The following CD6 variants were observed in gnomAD, a reference collection of about 807,000 sequenced individuals.
CD6 encodes the protein T-cell differentiation antigen CD6.
In CD6, 53 loss-of-function variants were observed where a neutral mutation model predicts 75.3. The ratio of observed to expected loss-of-function variants is 0.70; its 90% CI spans 0.56 to 0.88. The LOEUF is 0.88. Ranked by LOEUF, CD6 falls within the 40% of genes least tolerant of loss-of-function variation. The pLI, the probability that CD6 is intolerant of heterozygous loss-of-function variation, is 0.00. For missense variants in CD6, 770 were observed against 897.1 expected, an observed-to-expected ratio of 0.86 and a Z score of 1.81; for synonymous variants, 359 against 381.5, an observed-to-expected ratio of 0.94 and a Z score of 0.69.
chr11:61,008,363 T>C, intron 3 of CD6, 171 bp from the exon 4 acceptor site: 1 of 639,124 alleles, frequency 1.6e-6, no homozygotes, highest in African/African-American at 1.8e-5. Flanking sequence ...AGCCTGCGGC[T>C]CTACCTAACC....
At chr11:60,995,654 G>C (rs1166157123) in intron 1 of CD6, among the ~76,000 whole-genome samples, 1 of 152,116 alleles carries the variant, frequency 6.6e-6, no homozygotes. Flanking sequence ...GACAGTGCTG[G>C]AGTGAGCCCC....
chr11:61,009,870 C>A lies in CD6; in HGVS notation c.1080C>A (p.Cys360Ter). ...CSQSLAARVL[C>*]SASRSLHNLS... ...AGTCGCTGGCAGCCAGGGTCCTCTGCTCAGGTACCCCATCCTACTCCACCC... is the reference window on the plus strand; with the variant it reads ...AGTCGCTGGCAGCCAGGGTCCTCTGATCAGGTACCCCATCCTACTCCACCC... The change falls in exon 5 of 13, where the codon TGC (cysteine) becomes TGA (stop). Residue 360 changes from cysteine to a stop codon, truncating the protein, a stop_gained. Transcript: ENST00000313421. LOFTEE classifies it high-confidence loss of function. 6.5e-7 allele frequency: 1 copy of A among 1,549,146 alleles called. No individual in the cohort carries two copies. The highest frequency in any genetic ancestry group is 1.9e-5 in the Admixed American group (1 of 52,264).
intron 1 of CD6, 56 bp downstream of exon 1, chr11:60,971,970 C>T: frequency 9.0e-6 from 14 of 1,549,212 alleles, no homozygotes; most frequent in East Asian, 2.3e-5. Context: ...GGGTCCGGCC[C>T]TCTCAGTCCC....
Position 61,017,884 on chromosome 11 carries a change from GA to G in CD6, c.1709del (p.Glu570GlyfsTer211). On this transcript the variant is annotated frameshift_variant, in exon 11 of 13. Coordinates refer to ENST00000313421, the MANE Select transcript of CD6 (RefSeq NM_006725.5). LOFTEE classifies it high-confidence loss of function. ...SNSESSTSSG[E>X]DYCNSPKSKL... ...CAGTGAGTCGAGCACCTCTTCAGGGGAGGATTACTGCAATAGTCCCAAAAGC... is the reference window on the plus strand; with the variant it reads ...CAGTGAGTCGAGCACCTCTTCAGGGGGGATTACTGCAATAGTCCCAAAAGC... The G allele has an allele frequency of 6.2e-7, 1 of 1,614,094 alleles. No homozygotes were observed. The highest frequency in any genetic ancestry group is 8.5e-7 in the Non-Finnish European group (1 of 1,180,014).
chr11:60,994,639 T>C (rs1858218753), intron 1 of CD6, among the ~76,000 whole-genome samples: 1 of 151,968 alleles, frequency 6.6e-6, no homozygotes, highest in Non-Finnish European at 1.5e-5. Flanking sequence ...TGTAACATAA[T>C]ACCAAATAAT....
At chr11:61,018,480 C>CAAGGGGAAAGGAGAAAGG in intron 12 of CD6, 87 bp downstream of exon 12, 2 of 887,086 alleles carry the variant, frequency 2.3e-6, no homozygotes, top group Non-Finnish European at 3.5e-6. Context: ...TGCATTCGCT[C>CAAGGGGAAAGGAGAAAGG]AAGGGGAAAA....
At chr11:61,013,682 C>T in intron 7 of CD6, 119 bp downstream of exon 7, 2 of 1,162,548 alleles carry the variant, frequency 1.7e-6, no homozygotes, top group South Asian at 2.9e-5. Flanking sequence ...GGGAGATCCC[C>T]AAGGTGGAAA....
chr11:60,982,818 G>C, intron 1 of CD6: 1 of 366,632 alleles, frequency 2.7e-6, no homozygotes, highest in Non-Finnish European at 5.2e-6. Context: ...GCAGGGCTGA[G>C]AAGCCCAGTC....
At chr11:60,995,248 G>A (rs1051014191) in intron 1 of CD6, among the ~76,000 whole-genome samples, 3 of 151,450 alleles carry the variant, frequency 2.0e-5, no homozygotes, top group African/African-American at 2.4e-5. Flanking sequence ...GGATTCAAGC[G>A]ATTCTCCTAC....
chr11:60,986,219 A>T (rs1207329911), intron 1 of CD6, among the ~76,000 whole-genome samples: 4 of 152,246 alleles, frequency 2.6e-5, no homozygotes, highest in African/African-American at 9.6e-5. Context: ...CAAAGAGAGA[A>T]AAGAAGTCTC....
At chr11:60,984,418 C>T (rs1857709652) in intron 1 of CD6, among the ~76,000 whole-genome samples, 1 of 152,186 alleles carries the variant, frequency 6.6e-6, no homozygotes, top group Non-Finnish European at 1.5e-5. Flanking sequence ...CCTCTGGTGG[C>T]TGCTGTCTTG....
At chr11:60,992,807 G>A (rs1321426081) in intron 1 of CD6, among the ~76,000 whole-genome samples, 4 of 151,760 alleles carry the variant, frequency 2.6e-5, no homozygotes, top group Admixed American at 1.3e-4. Flanking sequence ...CAGCCTCGGC[G>A]ACAGTGTGAG....
chr11:60,999,368 T>C (rs1417320525), intron 1 of CD6, among the ~76,000 whole-genome samples: 1 of 150,362 alleles, frequency 6.7e-6, no homozygotes, highest in Non-Finnish European at 1.5e-5. Flanking sequence ...AGGATAGCTA[T>C]GTAATTAAAT....
chr11:61,015,817 G>T lies in CD6; in HGVS notation c.1492G>T (p.Ala498Ser), dbSNP rs753799158. Reference sequence around the variant, plus strand: ...TGACTTCAGCGCCCAGCCTCCTGTGGCCCTGACCACCTTCTACAGTGAGTG... The same window carrying T: ...TGACTTCAGCGCCCAGCCTCCTGTGTCCCTGACCACCTTCTACAGTGAGTG... Reference protein sequence around the residue: ...HYDFSAQPPVALTTFYNSQRH... With the variant: ...HYDFSAQPPVSLTTFYNSQRH... Residue 498 changes from alanine to serine, a missense_variant, in exon 9 of 13, where the codon GCC (alanine) becomes TCC (serine). Transcript: ENST00000313421. 11 of 1,613,878 alleles carry T rather than the reference G, an allele frequency of 6.8e-6. No homozygotes were observed. The highest frequency in any genetic ancestry group is 9.3e-6 in the Non-Finnish European group (11 of 1,180,004).
intron 1 of CD6, chr11:61,004,478 C>T (rs1303491114): frequency 6.6e-6 from 1 of 152,176 alleles, no homozygotes; most frequent in African/African-American, 2.4e-5. Flanking sequence ...GGCAGCCAGC[C>T]AGGGAGTTAG....
chr11:61,017,731 C>T (rs752256905), intron 10 of CD6, 28 bp from the exon 11 acceptor site: 26 of 1,613,292 alleles, frequency 1.6e-5, no homozygotes, highest in Non-Finnish European at 2.0e-5. Flanking sequence ...CTGCTTCTTT[C>T]GTCACCATTC....
chr11:61,017,263 A>G (rs143011385), intron 9 of CD6: 5 of 573,518 alleles, frequency 8.7e-6, no homozygotes, highest in Non-Finnish European at 1.6e-5. Flanking sequence ...GTAGGGCACT[A>G]GAGTTTCTGT....
chr11:61,004,828 C>G (rs1183788557), intron 1 of CD6, among the ~76,000 whole-genome samples: 1 of 152,232 alleles, frequency 6.6e-6, no homozygotes, highest in Non-Finnish European at 1.5e-5. Flanking sequence ...CCTCCGCAAC[C>G]CAGGGCCTCT....
chr11:60,990,686 T>A (rs1858022943), intron 1 of CD6, among the ~76,000 whole-genome samples: 1 of 152,130 alleles, frequency 6.6e-6, no homozygotes, highest in Non-Finnish European at 1.5e-5. Flanking sequence ...CACTCCAAAG[T>A]GTGGTGTGTG....
Sources: gnomAD v4.1 joint callset for allele counts (sites outside exome capture counted in the v4.1 genomes callset) on GRCh38, gnomAD v4.1.1 for gene constraint, MANE v1.5 for transcripts, NCBI Gene and HGNC (gene_info 2026-07-23, HGNC 2026-07-21) for gene names.